Variants in KLHL12 observed in about 807,000 individuals in gnomAD.
The protein encoded by KLHL12 is kelch like family member 12, also known as kelch-like protein 12.
KLHL12 carries 17 observed loss-of-function variants against 60.8 expected under a neutral mutation model. The ratio of observed to expected loss-of-function variants is 0.28; its 90% CI spans 0.19 to 0.42. The LOEUF (loss-of-function observed/expected upper bound fraction) is 0.42, where lower values mean the gene tolerates loss of function less well. Ranked by LOEUF, KLHL12 falls within the 10% of genes least tolerant of loss-of-function variation. The probability of loss-of-function intolerance (pLI) is 1.00; values close to 1 mark genes in which losing one functional copy is unlikely to be tolerated. For synonymous variants in KLHL12, 220 were observed against 250.9 expected (o/e 0.88, Z 1.16); for missense variants, 468 against 722.3 (o/e 0.65, Z 4.04).
chr1:202,903,828 G>A (rs1660098410), intron 6 of KLHL12, among the ~76,000 whole-genome samples: 1 of 151,020 alleles, frequency 6.6e-6, no homozygotes, highest in Non-Finnish European at 1.5e-5. Context: ...TCATCCTGTT[G>A]GCCAGGCTGG....
Position 202,903,629 on chromosome 1 carries a change from C to CTTTTTTTTTTTTTTTTTTT in KLHL12, c.832+5380_832+5381insAAAAAAAAAAAAAAAAAAA, listed in dbSNP as rs1220119536. Among the ~76,000 whole-genome samples the CTTTTTTTTTTTTTTTTTTT allele has an allele frequency of 7.0e-3, 531 of 76,052 alleles. 88 individuals are homozygous for CTTTTTTTTTTTTTTTTTTT. The highest frequency in any genetic ancestry group is 0.011 in the East Asian group (26 of 2,296). The allele number at this position is 76,052 out of a possible 152,430, so 49.9% of individuals were successfully genotyped here. A position where few individuals can be genotyped will look rare whatever the true frequency, so the allele number is the denominator to read the frequency against. ...CTGGGACCACTAATTTTTTTCTTTT[C>CTTTTTTTTTTTTTTTTTTT]TTTTTTTTTTTGAAACGGCGTCTTG... is the stretch of plus-strand genomic sequence containing the variant. On this transcript the variant is annotated intron_variant, in intron 6 of 11. Transcript: ENST00000367261.
chr1:202,921,866 A>C (rs951237452), intron 2 of KLHL12, among the ~76,000 whole-genome samples: 3 of 152,226 alleles, frequency 2.0e-5, no homozygotes, highest in Admixed American at 2.0e-4. Context: ...TCAGCCAGAG[A>C]ATAACCAAAA....
At chr1:202,912,491 G>C in intron 4 of KLHL12, 1 of 942,408 alleles carries the variant, frequency 1.1e-6, no homozygotes, top group Non-Finnish European at 1.7e-6. Flanking sequence ...TGGCAGTGAG[G>C]ATGGCGATAA....
chr1:202,927,392 G>A, upstream of KLHL12: 2 of 506,078 alleles, frequency 4.0e-6, no homozygotes, highest in Non-Finnish European at 5.1e-6. Flanking sequence ...ATTACAAAAA[G>A]GTCGGGTGGG....
Position 202,909,160 on chromosome 1 carries a change from G to T in KLHL12, c.718-36C>A, listed in dbSNP as rs747562954. The T allele has an allele frequency of 1.5e-6, 2 of 1,308,132 alleles. No homozygotes were observed. Among genetic ancestry groups the T allele is most frequent in the East Asian group, 2.3e-5 (1 of 43,378 alleles). 81.0% of individuals were successfully genotyped at this position (1,308,132 alleles called of 1,614,324 possible). A position where few individuals can be genotyped will look rare whatever the true frequency, so the allele number is the denominator to read the frequency against. On this transcript the variant is annotated intron_variant, in intron 5 of 11. Transcript: ENST00000367261. This position sits in a 1 kb window ranked among gnomAD's most constrained non-coding sequence, Gnocchi z 4.1. ...GCAGACAGCAGAGTTAGGCACTGGG[G>T]ATACCTGTAATACTATAAGAGTACA...
Position 202,892,507 on chromosome 1 carries a change from A to G in KLHL12, c.*26T>C, listed in dbSNP as rs55724804. The G allele has an allele frequency of 2.5e-3, 4,048 of 1,610,536 alleles. 70 individuals are homozygous for G. The African/African-American group carries it at 0.039, about 15-fold the overall frequency. On this transcript the variant is annotated 3_prime_UTR_variant, in exon 12 of 12. Transcript: ENST00000367261. ...CTAACTGTCCACTGGACTGGTCACTAGCTCTGGATGGTGCTCCAACAATGG... is the reference window on the plus strand; with the variant it reads ...CTAACTGTCCACTGGACTGGTCACTGGCTCTGGATGGTGCTCCAACAATGG...
At position 202,918,418 on chromosome 1, in the gene KLHL12, A is replaced by G. The variant is rs184972717; in HGVS notation, c.350-30T>C. 2.6e-4 allele frequency: 397 copies of G among 1,538,956 alleles called. No homozygotes were observed. The African/African-American group carries it at 5.1e-3, about 20-fold the overall frequency. On this transcript the variant is annotated intron_variant, in intron 3 of 11. Transcript: ENST00000367261. ...GACAGACACAGGCAGCAAACACTTTAGAATAGTTGGACAGGTGTGATCTAG... is the reference window on the plus strand; with the variant it reads ...GACAGACACAGGCAGCAAACACTTTGGAATAGTTGGACAGGTGTGATCTAG...
chr1:202,909,149 T>G lies in KLHL12; in HGVS notation c.718-25A>C. 2.1e-6 allele frequency: 3 copies of G among 1,425,196 alleles called. No homozygotes were observed. The highest frequency in any genetic ancestry group is 3.0e-6 in the Non-Finnish European group (3 of 1,008,192). The allele number at this position is 1,425,196 out of a possible 1,614,324, so 88.3% of individuals were successfully genotyped here. On this transcript the variant is annotated intron_variant, in intron 5 of 11. Transcript: ENST00000367261. The surrounding 1 kb of genome is among the most constrained non-coding windows in gnomAD (Gnocchi z 4.1). ...GCTGAAATATAGCAGACAGCAGAGT[T>G]AGGCACTGGGGATACCTGTAATACT...
chr1:202,920,776 A>G (rs1389850114), intron 2 of KLHL12, among the ~76,000 whole-genome samples: 3 of 152,214 alleles, frequency 2.0e-5, no homozygotes, highest in African/African-American at 4.8e-5. Context: ...AATAGGTAAC[A>G]CCTTCCTGGA....
chr1:202,895,606 A>G lies in KLHL12; in HGVS notation c.1051T>C (p.Tyr351His), dbSNP rs150501317. The change falls in exon 8 of 12, where the codon TAC (tyrosine) becomes CAC (histidine). Residue 351 changes from tyrosine (Y) to histidine (H), a missense_variant. Physicochemically the swap from Tyr to His is moderately conservative, Grantham distance 83. Coordinates refer to ENST00000367261, the MANE Select transcript of KLHL12 (RefSeq NM_021633.4). The surrounding 1 kb of genome is among the most constrained non-coding windows in gnomAD (Gnocchi z 4.2). ...CAGACCCCATCCTCATCTGCTGTGT[A>G]GTCTAGACATTCCACTGAACTAAGG... is the stretch of plus-strand genomic sequence containing the variant. ...SRLSSVECLDYTADEDGVWYS... is the reference protein window; with the variant it reads ...SRLSSVECLDHTADEDGVWYS... The G allele has an allele frequency of 6.2e-7, 1 of 1,613,882 alleles. No homozygotes were observed. Among genetic ancestry groups the G allele is most frequent in the Non-Finnish European group, 8.5e-7 (1 of 1,179,898 alleles).
At chr1:202,912,565 C>T in intron 4 of KLHL12, 1 of 1,144,000 alleles carries the variant, frequency 8.7e-7, no homozygotes, top group East Asian at 2.3e-5. Context: ...TTGGCAACTA[C>T]AATAATCAGT....
upstream of KLHL12, among the ~76,000 whole-genome samples, chr1:202,928,211 G>GTTGCAGTGAGCTGAGA (rs1653709458): frequency 6.9e-6 from 1 of 145,740 alleles, no homozygotes; most frequent in South Asian, 2.2e-4. Flanking sequence ...GGAGGCGGAG[G>GTTGCAGTGAGCTGAGA]TTGCAGTGAG....
rs1356188811 is a variant in KLHL12, at chr1:202,893,133, T to G, written c.1580+106A>C. On this transcript the variant is annotated intron_variant, in intron 11 of 11. Coordinates refer to ENST00000367261, the MANE Select transcript of KLHL12 (RefSeq NM_021633.4). This position sits in a 1 kb window ranked among gnomAD's most constrained non-coding sequence, Gnocchi z 4.1. Reference sequence around the variant, plus strand: ...AAAAAAATCAAGTTGCCACTGGAGATGTCTACCCCTACCCAAGTCTTGTCT... The same window carrying G: ...AAAAAAATCAAGTTGCCACTGGAGAGGTCTACCCCTACCCAAGTCTTGTCT... 2 of 834,712 alleles carry G rather than the reference T, an allele frequency of 2.4e-6. No homozygotes were observed. Among genetic ancestry groups the G allele is most frequent in the Non-Finnish European group, 3.7e-6 (2 of 535,992 alleles). The allele number at this position is 834,712 out of a possible 1,614,324, so 51.7% of individuals were successfully genotyped here.
At chr1:202,902,789 A>C (rs1660051316) in intron 6 of KLHL12, among the ~76,000 whole-genome samples, 1 of 152,136 alleles carries the variant, frequency 6.6e-6, no homozygotes, top group African/African-American at 2.4e-5. Flanking sequence ...CAGGAGATCA[A>C]GACCAGCCTG....
In KLHL12 at chr1:202,897,117, G is replaced by A. The variant is rs146495812; in HGVS notation, c.833-157C>T. Among the ~76,000 whole-genome samples, 516 of 152,152 alleles carry A rather than the reference G, an allele frequency of 3.4e-3. 3 individuals carry two copies. The highest frequency in any genetic ancestry group is 0.012 in the African/African-American group (495 of 41,524). Reference sequence around the variant, plus strand: ...GGAGATAATCATAAGGCTGTCGAATGGGGAGTTATTTTTCCTTGAGGCTGT... The same window carrying A: ...GGAGATAATCATAAGGCTGTCGAATAGGGAGTTATTTTTCCTTGAGGCTGT... On this transcript the variant is annotated intron_variant, in intron 6 of 11. Transcript: ENST00000367261.
chr1:202,928,492 T>C (rs1246791965), upstream of KLHL12: 3 of 1,303,432 alleles, frequency 2.3e-6, no homozygotes, highest in South Asian at 3.7e-5. Context: ...TTCCAGGTAC[T>C]GAGGAACTTT....
chr1:202,894,517 G>T, intron 9 of KLHL12, 74 bp downstream of exon 9: 2 of 1,471,936 alleles, frequency 1.4e-6, no homozygotes, highest in Non-Finnish European at 1.9e-6. Flanking sequence ...ACGTCATTTT[G>T]GTAAAAAGGA....
At chr1:202,904,683 T>C (rs1660127978) in intron 6 of KLHL12, among the ~76,000 whole-genome samples, 1 of 152,168 alleles carries the variant, frequency 6.6e-6, no homozygotes, top group African/African-American at 2.4e-5. Context: ...CTGAAGAACC[T>C]GGCAGTGGCA....
intron 6 of KLHL12, among the ~76,000 whole-genome samples, chr1:202,902,683 A>G (rs1441100110): frequency 6.6e-6 from 1 of 151,988 alleles, no homozygotes; most frequent in Non-Finnish European, 1.5e-5. Flanking sequence ...TGAGTAATGA[A>G]CCTGAATTAG....
Sources: allele counts gnomAD v4.1 joint callset (sites outside exome capture counted in the v4.1 genomes callset), GRCh38; gene constraint gnomAD v4.1.1; non-coding constraint Gnocchi (gnomAD v3.1); transcripts MANE v1.5; gene names NCBI Gene and HGNC (gene_info 2026-07-23, HGNC 2026-07-21).